Variants in USH2A observed in about 807,000 individuals in gnomAD.
USH2A encodes usherin, also known as Usher syndrome 2A (autosomal recessive, mild).
USH2A carries 443 observed loss-of-function variants against 538.9 expected under a neutral mutation model. That is an observed-to-expected ratio of 0.82 (90% CI 0.76 to 0.89). The LOEUF (loss-of-function observed/expected upper bound fraction) is 0.89, where lower values mean the gene tolerates loss of function less well. Ranked by LOEUF, USH2A falls within the 40% of genes least tolerant of loss-of-function variation. USH2A has a pLI of 0.00. For synonymous variants in USH2A, 2,413 were observed against 2,273.5 expected (o/e 1.06, Z -1.75); for missense variants, 6,633 against 6,324.8 (o/e 1.05, Z -1.65).
intron 3 of USH2A, among the ~76,000 whole-genome samples, chr1:216,371,158 T>C (rs1406668479): frequency 6.6e-6 from 1 of 152,212 alleles, no homozygotes; most frequent in African/African-American, 2.4e-5. Flanking sequence ...TCCTTATAAC[T>C]TCAGTTCACA....
At chr1:216,402,279 T>C (rs2039318690) in intron 3 of USH2A, among the ~76,000 whole-genome samples, 2 of 152,128 alleles carry the variant, frequency 1.3e-5, no homozygotes, top group African/African-American at 4.8e-5. Flanking sequence ...CTCCAATTTA[T>C]TTGAAACTAA....
At chr1:215,779,569 G>GA (rs1353888619) in intron 55 of USH2A, among the ~76,000 whole-genome samples, 2 of 150,922 alleles carry the variant, frequency 1.3e-5, no homozygotes, top group Admixed American at 6.6e-5. Context: ...CTGTTTGTTT[G>GA]AAAAAAAAAG....
At chr1:215,952,752 G>C (rs1398411004) in intron 37 of USH2A, among the ~76,000 whole-genome samples, 1 of 152,194 alleles carries the variant, frequency 6.6e-6, no homozygotes, top group East Asian at 1.9e-4. Context: ...CAGATCAGCT[G>C]TTAGTCTGAT....
intron 48 of USH2A, among the ~76,000 whole-genome samples, chr1:215,816,318 C>T (rs1332792308): frequency 1.3e-5 from 2 of 151,980 alleles, no homozygotes; most frequent in African/African-American, 4.8e-5. Flanking sequence ...ATAACTCCTG[C>T]TAAATTTGTG....
intron 37 of USH2A, among the ~76,000 whole-genome samples, chr1:215,964,569 C>G (rs1052169329): frequency 6.6e-6 from 1 of 152,092 alleles, no homozygotes; most frequent in African/African-American, 2.4e-5. Flanking sequence ...ACTGAATCCA[C>G]GATATTGCAT....
At chr1:216,029,349 A>T (rs1053691960) in intron 32 of USH2A, among the ~76,000 whole-genome samples, 1 of 152,064 alleles carries the variant, frequency 6.6e-6, no homozygotes, top group Non-Finnish European at 1.5e-5. Flanking sequence ...CTTTGAAGAT[A>T]TTCTCCTATT....
chr1:216,202,605 T>C (rs1413690110), intron 16 of USH2A, among the ~76,000 whole-genome samples: 1 of 152,188 alleles, frequency 6.6e-6, no homozygotes, highest in Non-Finnish European at 1.5e-5. Context: ...GAGAAACATT[T>C]ACAGTCCTTG....
chr1:216,202,445 A>G (rs1572046130), intron 16 of USH2A, among the ~76,000 whole-genome samples: 6 of 152,358 alleles, frequency 3.9e-5, no homozygotes, highest in Admixed American at 3.9e-4. Flanking sequence ...AAAGGGTATG[A>G]ATAGGATATC....
intron 44 of USH2A, among the ~76,000 whole-genome samples, chr1:215,856,835 GTGTGT>G: frequency 2.3e-5 from 1 of 43,768 alleles, no homozygotes; most frequent in African/African-American, 1.9e-4. Context: ...AAAATTTGGT[GTGTGT>G]GTGTGTGTGT....
At chr1:216,221,741 T>C (rs2102503329) in intron 14 of USH2A, among the ~76,000 whole-genome samples, 1 of 152,316 alleles carries the variant, frequency 6.6e-6, no homozygotes, top group African/African-American at 2.4e-5. Context: ...ACTGTCTCTT[T>C]CTCCTTTGTT....
intron 32 of USH2A, among the ~76,000 whole-genome samples, chr1:216,038,222 C>G (rs2030084924): frequency 6.6e-6 from 1 of 152,006 alleles, no homozygotes; most frequent in Non-Finnish European, 1.5e-5. Flanking sequence ...GCATTGTCCT[C>G]AAAAACTTTT....
At chr1:215,732,538 T>A (rs1245987086) in intron 60 of USH2A, among the ~76,000 whole-genome samples, 7 of 135,034 alleles carry the variant, frequency 5.2e-5, no homozygotes, top group Non-Finnish European at 9.3e-5. Context: ...TTCTCCTTTT[T>A]TCTTTCTTTT....
At chr1:215,916,569 A>T (rs1665960490) in intron 38 of USH2A, among the ~76,000 whole-genome samples, 2 of 152,224 alleles carry the variant, frequency 1.3e-5, no homozygotes, top group Admixed American at 6.5e-5. Flanking sequence ...TTTGTCAAAA[A>T]TTATATAAAA....
At chr1:215,787,122 T>A (rs1661824653) in intron 51 of USH2A, among the ~76,000 whole-genome samples, 1 of 152,180 alleles carries the variant, frequency 6.6e-6, no homozygotes, top group Non-Finnish European at 1.5e-5. Flanking sequence ...CTTGAGCAAG[T>A]CACTTATGTT....
At chr1:215,993,452 AC>A (rs1668053221) in intron 34 of USH2A, among the ~76,000 whole-genome samples, 1 of 151,662 alleles carries the variant, frequency 6.6e-6, no homozygotes, top group African/African-American at 2.4e-5. Flanking sequence ...GCATATATTG[AC>A]TGGATAAACA....
In USH2A at chr1:215,844,494, G is replaced by C. The variant is rs1351968933; in HGVS notation, c.9058C>G (p.Pro3020Ala). The C allele has an allele frequency of 1.2e-6, 2 of 1,608,000 alleles. No individual in the cohort carries two copies. Among genetic ancestry groups the C allele is most frequent in the Non-Finnish European group, 8.5e-7 (1 of 1,179,736 alleles). Residue 3020 changes from proline (P) to alanine (A), a missense_variant and splice_region_variant, in exon 46 of 72, where the codon CCT becomes GCT. Physicochemically the swap from Pro to Ala is conservative, Grantham distance 27. Transcript: ENST00000307340. ...GLHATTCDGE[P>A]QGMLPPEVVI... ...ACCTCTGGAGGAAGCATGCCCTGAG[G>C]CTCTAGAATTAAAGGAAGAAACTGA...
At chr1:215,843,419 C>T (rs1663746208) in intron 46 of USH2A, among the ~76,000 whole-genome samples, 1 of 152,082 alleles carries the variant, frequency 6.6e-6, no homozygotes, top group Admixed American at 6.6e-5. Context: ...ACAAGATTTC[C>T]AATTCCGTGA....
chr1:215,950,674 AT>A (rs919935183), intron 37 of USH2A, among the ~76,000 whole-genome samples: 5 of 149,998 alleles, frequency 3.3e-5, no homozygotes, highest in South Asian at 2.1e-4. Context: ...TCCGGCTAAT[AT>A]TTTTTTTTGT....
chr1:215,745,016 C>T (rs1660432238), intron 58 of USH2A, among the ~76,000 whole-genome samples: 1 of 152,102 alleles, frequency 6.6e-6, no homozygotes. Context: ...ATGGATATTC[C>T]TCAGAGGCCA....
Sources: allele counts gnomAD v4.1 joint callset (sites outside exome capture counted in the v4.1 genomes callset), GRCh38; gene constraint gnomAD v4.1.1; transcripts MANE v1.5; gene names NCBI Gene and HGNC (gene_info 2026-07-23, HGNC 2026-07-21).